BAZ1A: variants seen among roughly 807,000 people sequenced by gnomAD.
BAZ1A encodes bromodomain adjacent to zinc finger domain 1A.
Under a neutral mutation model 185.2 loss-of-function variants are expected in BAZ1A, and 50 were observed. The ratio of observed to expected loss-of-function variants is 0.27; its 90% CI spans 0.22 to 0.34. The LOEUF is 0.34. Among genes scored for constraint, BAZ1A ranks in the 10% least tolerant of loss-of-function variants. BAZ1A has a pLI of 1.00. For missense variants in BAZ1A, 1,356 were observed against 1,839.9 expected (o/e 0.74, Z 4.81); for synonymous variants, 571 against 615.6 (o/e 0.93, Z 1.07).
At chr14:34,828,924 G>C (rs56280418) in intron 3 of BAZ1A, among the ~76,000 whole-genome samples, 18,915 of 152,154 alleles carry the variant, frequency 0.12, 1,385 homozygotes, top group South Asian at 0.19. Flanking sequence ...CCAAAGCAAG[G>C]GAAAGGCCAA....
In BAZ1A at chr14:34,817,583, T is replaced by TCAAAA. The variant is rs747771568; in HGVS notation, c.537-6552_537-6548dup. Among the ~76,000 whole-genome samples, 156 of 152,108 alleles carry TCAAAA rather than the reference T, an allele frequency of 1.0e-3. 1 individual carries two copies. The highest frequency in any genetic ancestry group is 3.4e-3 in the Middle Eastern group (1 of 294). ...AGCCTGGCAACAGAGCCAGTCTGTC[T>TCAAAA]CAAAACAAAACAAAACAAAACAAAA... On this transcript the variant is annotated intron_variant, in intron 4 of 26. Transcript: ENST00000360310.
intron 3 of BAZ1A, among the ~76,000 whole-genome samples, chr14:34,848,861 C>T (rs188857303): frequency 1.7e-4 from 26 of 152,240 alleles, no homozygotes; most frequent in Admixed American, 1.4e-3. Flanking sequence ...TTAGTCAAAG[C>T]TGAAAGAAAA....
intron 3 of BAZ1A, among the ~76,000 whole-genome samples, chr14:34,830,858 T>A (rs890791119): frequency 6.7e-6 from 1 of 150,360 alleles, no homozygotes; most frequent in Non-Finnish European, 1.5e-5. Flanking sequence ...CGGGTTCAAC[T>A]GATTCTCCCA....
chr14:34,780,201 T>G lies in BAZ1A; in HGVS notation c.2221A>C (p.Lys741Gln). The change falls in exon 17 of 27, where the codon AAA (lysine) becomes CAA (glutamine). Residue 741 changes from lysine to glutamine, a missense_variant. Transcript: ENST00000360310. ...TCAGTATTACCCCTTCTGCCTCTTT[T>G]ATGTGATCCTGGGTCATCTTCATCT... Reference protein sequence around the residue: ...TEDEDDPGSHKRGRRGKRGQN... With the variant: ...TEDEDDPGSHQRGRRGKRGQN... 6.2e-7 allele frequency: 1 copy of G among 1,613,410 alleles called. No individual in the cohort carries two copies. The highest frequency in any genetic ancestry group is 1.1e-5 in the South Asian group (1 of 90,938).
intron 3 of BAZ1A, among the ~76,000 whole-genome samples, chr14:34,833,095 A>T (rs2042274721): frequency 1.3e-5 from 2 of 152,168 alleles, no homozygotes; most frequent in Admixed American, 6.5e-5. Context: ...TTTAAAAATT[A>T]GCCAGGTGTG....
At chr14:34,755,086 TACAG>T in intron 25 of BAZ1A, among the ~76,000 whole-genome samples, 172 bp from the exon 26 acceptor site, 1 of 152,162 alleles carries the variant, frequency 6.6e-6, no homozygotes. Flanking sequence ...GATGTGTCTA[TACAG>T]ATATATATCT....
At chr14:34,773,808 A>G in intron 19 of BAZ1A, 82 bp from the exon 20 acceptor site, 3 of 1,304,094 alleles carry the variant, frequency 2.3e-6, no homozygotes, top group Non-Finnish European at 3.2e-6. Context: ...ATGCATATAA[A>G]ATCAATTCAT....
At chr14:34,755,454 T>G (rs1886199194) in intron 25 of BAZ1A, among the ~76,000 whole-genome samples, 1 of 152,126 alleles carries the variant, frequency 6.6e-6, no homozygotes, top group African/African-American at 2.4e-5. Flanking sequence ...ATTCAAACCA[T>G]CCACCATTCA....
chr14:34,757,005 C>G (rs1886279387), intron 25 of BAZ1A, among the ~76,000 whole-genome samples: 1 of 152,194 alleles, frequency 6.6e-6, no homozygotes, highest in African/African-American at 2.4e-5. Flanking sequence ...TCAATTAACT[C>G]TATTCATATT....
chr14:34,796,161 T>TACACAC (rs1300254990), intron 9 of BAZ1A, among the ~76,000 whole-genome samples: 6 of 78,088 alleles, frequency 7.7e-5, no homozygotes, highest in Non-Finnish European at 1.4e-4. Flanking sequence ...CATATACATA[T>TACACAC]ACATACACAC....
intron 3 of BAZ1A, among the ~76,000 whole-genome samples, chr14:34,861,739 G>A (rs944047183): frequency 6.6e-6 from 1 of 152,170 alleles, no homozygotes; most frequent in East Asian, 1.9e-4. Context: ...TAAGTGAAAA[G>A]GGATCTAGAG....
intron 14 of BAZ1A, 31 bp from the exon 15 acceptor site, chr14:34,783,958 A>G (rs766423930): frequency 1.3e-6 from 2 of 1,545,696 alleles, no homozygotes; most frequent in South Asian, 1.2e-5. Flanking sequence ...CTTCTGTATT[A>G]TAAATCGCAG....
At chr14:34,855,616 A>G (rs2042664199) in intron 3 of BAZ1A, among the ~76,000 whole-genome samples, 1 of 152,198 alleles carries the variant, frequency 6.6e-6, no homozygotes, top group Non-Finnish European at 1.5e-5. Flanking sequence ...GTCTTGGGCC[A>G]GGCATGGTGG....
At chr14:34,810,449 T>C (rs952207311) in intron 5 of BAZ1A, among the ~76,000 whole-genome samples, 1 of 152,224 alleles carries the variant, frequency 6.6e-6, no homozygotes, top group Non-Finnish European at 1.5e-5. Context: ...AGGAAAAAAC[T>C]GATCAAATGT....
In BAZ1A at chr14:34,796,984, C is replaced by A. The variant is rs577750370; in HGVS notation, c.1129-1219G>T. Among the ~76,000 whole-genome samples the A allele has an allele frequency of 3.9e-5, 6 of 152,236 alleles. No homozygotes were observed. In the South Asian group the frequency reaches 6.2e-4, roughly 16 times the overall value. ...ATGTATAGAAAGTTTTAAAAATATT[C>A]TTAATCTTTGATTTATTCTACTTCT... On this transcript the variant is annotated intron_variant, in intron 9 of 26. Transcript: ENST00000360310.
chr14:34,831,212 A>G (rs560693659), intron 3 of BAZ1A, among the ~76,000 whole-genome samples: 8 of 152,300 alleles, frequency 5.3e-5, no homozygotes, highest in South Asian at 2.1e-4. Flanking sequence ...TATTCTTCCC[A>G]TGTTCTACCC....
intron 3 of BAZ1A, among the ~76,000 whole-genome samples, chr14:34,859,925 G>GC (rs1039432985): frequency 6.6e-6 from 1 of 152,018 alleles, no homozygotes; most frequent in Non-Finnish European, 1.5e-5. Context: ...CTCCCCAAAC[G>GC]CCCCAACCCT....
intron 4 of BAZ1A, among the ~76,000 whole-genome samples, chr14:34,813,722 C>T (rs185302910): frequency 1.3e-4 from 19 of 151,326 alleles, no homozygotes; most frequent in Non-Finnish European, 2.4e-4. Flanking sequence ...AAAAAACAAA[C>T]GAAGCAACGA....
rs1192792803 is a variant in BAZ1A, at chr14:34,765,005, A to G, written c.3549+16T>C. 1 of 1,613,524 alleles carries G rather than the reference A, an allele frequency of 6.2e-7. No individual in the cohort carries two copies. The highest frequency in any genetic ancestry group is 1.1e-5 in the South Asian group (1 of 91,006). Reference sequence around the variant, plus strand: ...CTTAATGTCTCATTTCTAATCTGATAAGAAGAAAAAAATACCTTGAGCTTT... The same window carrying G: ...CTTAATGTCTCATTTCTAATCTGATGAGAAGAAAAAAATACCTTGAGCTTT... On this transcript the variant is annotated intron_variant, in intron 22 of 26. Coordinates refer to ENST00000360310, the MANE Select transcript of BAZ1A (RefSeq NM_013448.3).
Sources: allele counts gnomAD v4.1 joint callset (sites outside exome capture counted in the v4.1 genomes callset), GRCh38; gene constraint gnomAD v4.1.1; transcripts MANE v1.5; gene names NCBI Gene and HGNC (gene_info 2026-07-23, HGNC 2026-07-21).